The following USP38 variants were observed in gnomAD, a reference collection of about 807,000 sequenced individuals.
USP38 encodes ubiquitin specific peptidase 38.
A neutral mutation model predicts 94.3 loss-of-function variants in USP38; 49 were observed. The ratio of observed to expected loss-of-function variants is 0.52; its 90% CI spans 0.41 to 0.66. The LOEUF is 0.66. USP38 is among the 30% of genes least tolerant of loss of function. The pLI is 0.00. For missense variants in USP38, 1,128 were observed against 1,229.4 expected, an observed-to-expected ratio of 0.92 and a Z score of 1.23; for synonymous variants, 468 against 463.6, an observed-to-expected ratio of 1.01 and a Z score of -0.12.
At chr4:143,215,688 G>C (rs1222526036) in intron 9 of USP38, 2 of 151,950 alleles carry the variant, frequency 1.3e-5, no homozygotes, top group Non-Finnish European at 2.9e-5. Context: ...AAGTGATTTT[G>C]AGTTTGAATG....
chr4:143,199,029 T>C (rs1731633861), intron 4 of USP38, among the ~76,000 whole-genome samples: 1 of 152,156 alleles, frequency 6.6e-6, no homozygotes, highest in Non-Finnish European at 1.5e-5. Context: ...GAAAGTTTGT[T>C]ACATAGGTAA....
In USP38 at chr4:143,185,241, TAGGCTCTCC is replaced by T. The variant is rs1451935606; in HGVS notation, c.-203_-195del. ...TAGGCCAGCCGCAGGTGTCGGTTCT[TAGGCTCTCC>T]AGGCTCGCTAGCTCCCGCCCCGGCT... On this transcript the variant is annotated 5_prime_UTR_variant, in exon 1 of 10. Coordinates refer to ENST00000307017, the MANE Select transcript of USP38 (RefSeq NM_032557.6). 6 of 591,870 alleles carry T rather than the reference TAGGCTCTCC, an allele frequency of 1.0e-5. No homozygotes were observed. Among genetic ancestry groups the T allele is most frequent in the Non-Finnish European group, 5.8e-6 (2 of 347,674 alleles). 36.7% of individuals were successfully genotyped at this position (591,870 alleles called of 1,614,324 possible).
chr4:143,193,057 T>G (rs565753977), intron 2 of USP38, among the ~76,000 whole-genome samples: 1 of 152,192 alleles, frequency 6.6e-6, no homozygotes, highest in South Asian at 2.1e-4. Context: ...CTGGTTCTGC[T>G]CTGACAGTGT....
intron 4 of USP38, 69 bp from the exon 5 acceptor site, chr4:143,203,339 G>A (rs4234886): frequency 0.6 from 879,500 of 1,466,380 alleles, 265,979 homozygotes; most frequent in East Asian, 0.82. Context: ...TTTGTGTTCT[G>A]TTTGTAGGCT....
chr4:143,191,639 A>G (rs956846668), intron 2 of USP38, among the ~76,000 whole-genome samples: 1 of 152,214 alleles, frequency 6.6e-6, no homozygotes, highest in African/African-American at 2.4e-5. Context: ...CTTTAGCTAT[A>G]TAAAGAAATG....
Position 143,214,573 on chromosome 4 carries a change from C to G in USP38, c.2597C>G (p.Thr866Arg). 1 of 1,613,548 alleles carries G rather than the reference C, an allele frequency of 6.2e-7. No individual in the cohort carries two copies. The highest frequency in any genetic ancestry group is 8.5e-7 in the Non-Finnish European group (1 of 1,179,776). ...GHYYSYARNITSTDSSYQMYH... is the reference protein window; with the variant it reads ...GHYYSYARNIRSTDSSYQMYH... ...TACTATTCTTATGCCAGGAATATCA[C>G]AAGTACAGACTCTTCATATCAGATG... Residue 866 changes from threonine (T) to arginine (R), a missense_variant, in exon 9 of 10, where the codon ACA (threonine) becomes AGA (arginine). Thr to Arg is a moderately conservative substitution (Grantham distance 71). Transcript: ENST00000307017.
At chr4:143,188,351 G>A (rs1406825768) in intron 2 of USP38, among the ~76,000 whole-genome samples, 3 of 151,532 alleles carry the variant, frequency 2.0e-5, no homozygotes, top group African/African-American at 4.9e-5. Context: ...GGCTCAATGT[G>A]TAATACACTC....
intron 5 of USP38, among the ~76,000 whole-genome samples, chr4:143,204,765 T>C (rs1731814041): frequency 6.6e-6 from 1 of 152,172 alleles, no homozygotes; most frequent in Admixed American, 6.5e-5. Context: ...AATCAGTGTA[T>C]AGCAAAAGAA....
rs776664815 is a variant in USP38 at position 143,197,936 on chromosome 4, CA to C, written c.1050+13del. On this transcript the variant is annotated intron_variant, in intron 4 of 9. Transcript: ENST00000307017. ...AGGCGTTCCATTTGGTAAGTTATGA[CA>C]TAAACGTTCTACTTTGAAAAAGCCT... 3 of 1,567,732 alleles carry C rather than the reference CA, an allele frequency of 1.9e-6. No individual in the cohort carries two copies. In the East Asian group the frequency reaches 6.8e-5, roughly 35 times the overall value.
At chr4:143,199,252 C>T (rs891229851) in intron 4 of USP38, among the ~76,000 whole-genome samples, 2 of 152,116 alleles carry the variant, frequency 1.3e-5, no homozygotes, top group African/African-American at 4.8e-5. Context: ...TTTTCTGTTG[C>T]TGGGTTAGTT....
chr4:143,192,874 A>G (rs1484648128), intron 2 of USP38, among the ~76,000 whole-genome samples: 1 of 152,222 alleles, frequency 6.6e-6, no homozygotes, highest in African/African-American at 2.4e-5. Context: ...AAGGTAAAGA[A>G]TGGAAGCTTT....
At chr4:143,194,717 A>C (rs1731496259) in intron 2 of USP38, among the ~76,000 whole-genome samples, 1 of 152,184 alleles carries the variant, frequency 6.6e-6, no homozygotes, top group Non-Finnish European at 1.5e-5. Flanking sequence ...CCTGTTGGCC[A>C]GGCTGGTCTC....
At chr4:143,217,493 G>T (rs1055179237) in intron 9 of USP38, among the ~76,000 whole-genome samples, 1 of 152,058 alleles carries the variant, frequency 6.6e-6, no homozygotes, top group Non-Finnish European at 1.5e-5. Flanking sequence ...AACTTAAATC[G>T]TAAAAGTAAG....
chr4:143,211,585 C>T (rs913038414), intron 7 of USP38, among the ~76,000 whole-genome samples: 3 of 152,140 alleles, frequency 2.0e-5, no homozygotes, highest in African/African-American at 7.2e-5. Flanking sequence ...TTTTTCTTAA[C>T]TGAGAACTTC....
intron 1 of USP38, 26 bp downstream of exon 1, chr4:143,186,158 T>G (rs1253203818): frequency 2.1e-5 from 34 of 1,602,200 alleles, no homozygotes; most frequent in Non-Finnish European, 2.7e-5. Context: ...TTTCAGAATA[T>G]CTCATAAAAA....
At chr4:143,219,477 AT>A (rs1346556415) in intron 9 of USP38, among the ~76,000 whole-genome samples, 8 of 152,134 alleles carry the variant, frequency 5.3e-5, no homozygotes, top group African/African-American at 1.9e-4. Flanking sequence ...TGTTTTCGTT[AT>A]TAATGTTAAC....
At chr4:143,198,864 C>G (rs1185152857) in intron 4 of USP38, among the ~76,000 whole-genome samples, 1 of 152,034 alleles carries the variant, frequency 6.6e-6, no homozygotes, top group African/African-American at 2.4e-5. Flanking sequence ...AAACAGAACT[C>G]AAACTCTAAG....
chr4:143,217,071 CA>C (rs1732206003), intron 9 of USP38, among the ~76,000 whole-genome samples: 1 of 152,152 alleles, frequency 6.6e-6, no homozygotes, highest in African/African-American at 2.4e-5. Context: ...CTTGGCCTCC[CA>C]AAGTGCTAGG....
At chr4:143,215,039 T>TTC (rs1261361288) in intron 9 of USP38, 96 bp downstream of exon 9, 1 of 1,228,502 alleles carries the variant, frequency 8.1e-7, no homozygotes, top group Non-Finnish European at 1.1e-6. Flanking sequence ...TGAGTTTTTA[T>TTC]TAAATTCTGA....
Sources: gnomAD v4.1 joint callset for allele counts (sites outside exome capture counted in the v4.1 genomes callset) on GRCh38, gnomAD v4.1.1 for gene constraint, MANE v1.5 for transcripts, NCBI Gene and HGNC (gene_info 2026-07-23, HGNC 2026-07-21) for gene names.